TRPM3: variants seen among roughly 807,000 people sequenced by gnomAD.
The protein encoded by TRPM3 is long transient receptor potential channel 3.
A neutral mutation model predicts 181.2 loss-of-function variants in TRPM3; 77 were observed. That is an observed-to-expected ratio of 0.42 (90% confidence interval 0.35 to 0.51). The LOEUF is 0.51. TRPM3 is among the 20% of genes least tolerant of loss of function. The probability of loss-of-function intolerance (pLI) is 0.01; values close to 1 mark genes in which losing one functional copy is unlikely to be tolerated. For synonymous variants in TRPM3, 745 were observed against 796.4 expected (o/e 0.94, Z 1.09); for missense variants, 1,759 against 2,196.7 (o/e 0.80, Z 3.98).
intron 22 of TRPM3, among the ~76,000 whole-genome samples, chr9:70,563,053 G>A (rs1172430726): frequency 6.6e-6 from 1 of 152,214 alleles, no homozygotes; most frequent in Non-Finnish European, 1.5e-5. Flanking sequence ...TGAATGGAAT[G>A]TTAGCAAATG....
intron 18 of TRPM3, 62 bp from the exon 19 acceptor site, chr9:70,610,811 G>A (rs540556501): frequency 6.3e-7 from 1 of 1,585,668 alleles, no homozygotes. Flanking sequence ...TGTTCAATGT[G>A]CTTACTTTAC....
chr9:70,895,150 T>C (rs1253383387), intron 1 of TRPM3, among the ~76,000 whole-genome samples: 1 of 152,230 alleles, frequency 6.6e-6, no homozygotes, highest in Non-Finnish European at 1.5e-5. Context: ...TGTATGCCAG[T>C]CCAGATAGAT....
At chr9:70,702,091 A>G (rs2134708305) in intron 8 of TRPM3, among the ~76,000 whole-genome samples, 1 of 60,622 alleles carries the variant, frequency 1.6e-5, no homozygotes, top group Middle Eastern at 5.0e-3. Context: ...AATGGTCACT[A>G]TTTTTGAGCA....
intron 3 of TRPM3, among the ~76,000 whole-genome samples, chr9:70,852,572 AC>A (rs2095269660): frequency 6.6e-6 from 1 of 152,166 alleles, no homozygotes; most frequent in Admixed American, 6.5e-5. Flanking sequence ...ATGTATTCTT[AC>A]TAGGATGTCC....
intron 25 of TRPM3, among the ~76,000 whole-genome samples, chr9:70,544,540 G>A (rs1179780472): frequency 1.3e-5 from 2 of 152,044 alleles, no homozygotes; most frequent in African/African-American, 2.4e-5. Flanking sequence ...CTGATGTCAC[G>A]AAAGACATTT....
At chr9:71,306,439 C>G (rs973078406) in intron 1 of TRPM3, among the ~76,000 whole-genome samples, 1 of 152,212 alleles carries the variant, frequency 6.6e-6, no homozygotes, top group East Asian at 1.9e-4. Context: ...ATTTCTATAA[C>G]TAATAGACAT....
chr9:70,551,551 A>T (rs756580083), intron 24 of TRPM3, among the ~76,000 whole-genome samples: 17 of 152,170 alleles, frequency 1.1e-4, no homozygotes, highest in Non-Finnish European at 2.4e-4. Context: ...AAGGAAATGG[A>T]TCTCTGGACC....
At chr9:70,610,975 T>C (rs1247176192) in intron 18 of TRPM3, among the ~76,000 whole-genome samples, 10 of 152,168 alleles carry the variant, frequency 6.6e-5, no homozygotes, top group Non-Finnish European at 7.3e-5. Flanking sequence ...TTGACCATTC[T>C]CTTCTCTTCC....
intron 22 of TRPM3, among the ~76,000 whole-genome samples, chr9:70,588,247 A>G (rs1415329069): frequency 6.6e-6 from 1 of 152,130 alleles, no homozygotes; most frequent in Admixed American, 6.5e-5. Context: ...CTGTGTTTAG[A>G]ACAAATAACA....
At chr9:70,892,652 A>G (rs540672967) in intron 1 of TRPM3, among the ~76,000 whole-genome samples, 2 of 151,132 alleles carry the variant, frequency 1.3e-5, no homozygotes, top group South Asian at 2.1e-4. Flanking sequence ...AGCATTTATG[A>G]GAATCTATCA....
chr9:70,938,769 A>G (rs1015179412), intron 1 of TRPM3, among the ~76,000 whole-genome samples: 46 of 151,982 alleles, frequency 3.0e-4, no homozygotes, highest in African/African-American at 9.6e-4. Flanking sequence ...TGGCTAACAC[A>G]GCGAAACCCC....
At chr9:70,652,888 C>T (rs912395751) in intron 9 of TRPM3, among the ~76,000 whole-genome samples, 1 of 152,094 alleles carries the variant, frequency 6.6e-6, no homozygotes, top group African/African-American at 2.4e-5. Context: ...TAAGAGTCTG[C>T]AGAGTGAGTG....
intron 1 of TRPM3, among the ~76,000 whole-genome samples, chr9:70,927,934 T>C (rs1421069845): frequency 1.3e-5 from 2 of 152,218 alleles, no homozygotes; most frequent in South Asian, 4.1e-4. Flanking sequence ...TTATTTTTTA[T>C]TAAAAGCTTT....
At chr9:71,133,231 A>G (rs1374107207) in intron 1 of TRPM3, among the ~76,000 whole-genome samples, 2 of 149,526 alleles carry the variant, frequency 1.3e-5, no homozygotes, top group Non-Finnish European at 3.0e-5. Flanking sequence ...TTATACATTT[A>G]TCTGGTAACT....
chr9:71,304,218 G>A (rs1452726985), intron 1 of TRPM3, among the ~76,000 whole-genome samples: 1 of 152,194 alleles, frequency 6.6e-6, no homozygotes, highest in Non-Finnish European at 1.5e-5. Context: ...TTTTATTGCA[G>A]TCATGCTGAA....
At chr9:70,918,392 G>A (rs1347909353) in intron 1 of TRPM3, among the ~76,000 whole-genome samples, 1 of 151,874 alleles carries the variant, frequency 6.6e-6, no homozygotes, top group Admixed American at 6.6e-5. Context: ...AAGTCTTAAG[G>A]CATTAAAAAA....
chr9:71,129,122 C>T (rs1175931850), intron 1 of TRPM3, among the ~76,000 whole-genome samples: 1 of 152,082 alleles, frequency 6.6e-6, no homozygotes, highest in African/African-American at 2.4e-5. Context: ...TTTTTGACAG[C>T]CTTCCAAAAA....
intron 8 of TRPM3, among the ~76,000 whole-genome samples, chr9:70,700,074 C>A (rs184083769): frequency 2.7e-4 from 41 of 152,230 alleles, no homozygotes; most frequent in African/African-American, 8.7e-4. Flanking sequence ...TCTCCGCCTC[C>A]CGGGTTCAAG....
intron 9 of TRPM3, among the ~76,000 whole-genome samples, chr9:70,645,665 T>A (rs1475272531): frequency 1.3e-5 from 2 of 151,310 alleles, no homozygotes. Context: ...ACTTCCTGAC[T>A]AAAACACCAA....
Sources: allele counts gnomAD v4.1 joint callset (sites outside exome capture counted in the v4.1 genomes callset), GRCh38; gene constraint gnomAD v4.1.1; transcripts MANE v1.5; gene names NCBI Gene and HGNC (gene_info 2026-07-23, HGNC 2026-07-21).